Variants in NOL4 observed in about 807,000 individuals in gnomAD.
NOL4 encodes nucleolar protein 4.
Under a neutral mutation model 75.9 loss-of-function variants are expected in NOL4, and 17 were observed. That is an observed-to-expected ratio of 0.22 (90% confidence interval 0.15 to 0.34). NOL4 has a LOEUF of 0.34. Among genes scored for constraint, NOL4 ranks in the 10% least tolerant of loss-of-function variants. The pLI is 1.00. For synonymous variants in NOL4, 292 were observed against 289.9 expected, an observed-to-expected ratio of 1.01 and a Z score of -0.07; for missense variants, 614 against 793.5, an observed-to-expected ratio of 0.77 and a Z score of 2.72.
At chr18:33,861,619 T>A (rs1026877994) in intron 10 of NOL4, among the ~76,000 whole-genome samples, 6 of 152,014 alleles carry the variant, frequency 3.9e-5, no homozygotes, top group African/African-American at 1.4e-4. Flanking sequence ...TTCTTATACA[T>A]CAATAACAGA....
At chr18:33,925,794 A>AAAGG (rs2067289229) in intron 9 of NOL4, among the ~76,000 whole-genome samples, 2 of 152,126 alleles carry the variant, frequency 1.3e-5, no homozygotes, top group Admixed American at 6.5e-5. Context: ...TGCTTTGAAA[A>AAAGG]AAGGAAGGAA....
At chr18:34,118,508 T>A (rs1787378941) in intron 2 of NOL4, among the ~76,000 whole-genome samples, 1 of 152,216 alleles carries the variant, frequency 6.6e-6, no homozygotes, top group South Asian at 2.1e-4. Flanking sequence ...GTGTCCTGAT[T>A]CATAAACATA....
intron 2 of NOL4, among the ~76,000 whole-genome samples, chr18:34,125,015 T>C (rs1012149504): frequency 2.0e-5 from 3 of 152,126 alleles, no homozygotes; most frequent in Non-Finnish European, 4.4e-5. Context: ...TAAGTTAAAT[T>C]TAGCTAGAGA....
intron 6 of NOL4, among the ~76,000 whole-genome samples, chr18:33,965,783 C>A (rs1216461442): frequency 6.6e-6 from 1 of 152,122 alleles, no homozygotes; most frequent in African/African-American, 2.4e-5. Context: ...AATTGTGAGT[C>A]AATTAAACTT....
chr18:33,921,165 T>C (rs2067014485), intron 9 of NOL4, among the ~76,000 whole-genome samples: 1 of 152,200 alleles, frequency 6.6e-6, no homozygotes, highest in Non-Finnish European at 1.5e-5. Flanking sequence ...CACAGGTCTA[T>C]AGATGGAGTG....
At chr18:33,970,507 G>A (rs2070964277) in intron 6 of NOL4, among the ~76,000 whole-genome samples, 2 of 152,042 alleles carry the variant, frequency 1.3e-5, no homozygotes, top group South Asian at 4.1e-4. Flanking sequence ...ATTGTAGAAT[G>A]ACCAATGATT....
At chr18:33,941,834 A>G (rs971451895) in intron 9 of NOL4, among the ~76,000 whole-genome samples, 3 of 151,952 alleles carry the variant, frequency 2.0e-5, no homozygotes, top group African/African-American at 7.2e-5. Flanking sequence ...GGTATTATAC[A>G]TAGTGTTATA....
chr18:33,975,955 CA>C (rs1400894363), intron 6 of NOL4, among the ~76,000 whole-genome samples: 1 of 152,026 alleles, frequency 6.6e-6, no homozygotes, highest in Non-Finnish European at 1.5e-5. Flanking sequence ...TTGCTGAACA[CA>C]AAACTTTTTA....
chr18:33,961,834 G>A (rs1382988996), intron 6 of NOL4, among the ~76,000 whole-genome samples: 2 of 152,090 alleles, frequency 1.3e-5, no homozygotes, highest in Non-Finnish European at 1.5e-5. Context: ...TGGAATCTCA[G>A]TGGATTGCCA....
chr18:34,129,791 AT>A, intron 2 of NOL4, 79 bp downstream of exon 2: 3 of 1,265,608 alleles, frequency 2.4e-6, no homozygotes, highest in Non-Finnish European at 2.1e-6. Flanking sequence ...AATATTTATA[AT>A]TATCGAACCC....
intron 4 of NOL4, among the ~76,000 whole-genome samples, chr18:34,102,149 A>G (rs1455603530): frequency 6.6e-6 from 1 of 152,050 alleles, no homozygotes; most frequent in Non-Finnish European, 1.5e-5. Flanking sequence ...AGGGAGTCCC[A>G]TGTCTGGCCT....
chr18:34,140,719 A>G (rs1047499956), intron 1 of NOL4, among the ~76,000 whole-genome samples: 1 of 152,158 alleles, frequency 6.6e-6, no homozygotes, highest in Non-Finnish European at 1.5e-5. Context: ...TGATCCTGTC[A>G]TTATGATGTT....
intron 9 of NOL4, among the ~76,000 whole-genome samples, chr18:33,921,932 A>T (rs951433951): frequency 3.3e-5 from 5 of 152,158 alleles, no homozygotes; most frequent in Non-Finnish European, 5.9e-5. Flanking sequence ...TACTCCACCA[A>T]TGGCTCCAAA....
chr18:33,955,951 A>G (rs1273375478), intron 8 of NOL4, among the ~76,000 whole-genome samples: 1 of 152,140 alleles, frequency 6.6e-6, no homozygotes, highest in African/African-American at 2.4e-5. Flanking sequence ...AATGGACTAA[A>G]AGTCTCCTAT....
chr18:33,919,830 C>T (rs557489823), intron 9 of NOL4, among the ~76,000 whole-genome samples: 2 of 152,244 alleles, frequency 1.3e-5, no homozygotes, highest in South Asian at 4.1e-4. Context: ...ATTGAATTTG[C>T]ATCTTAAACT....
Position 33,852,782 on chromosome 18 carries a change from CA to C in NOL4, c.*59del. 1 of 1,441,458 alleles carries C rather than the reference CA, an allele frequency of 6.9e-7. No homozygotes were observed. 89.3% of individuals were successfully genotyped at this position (1,441,458 alleles called of 1,614,324 possible). ...ACCAGAAGTATCTCTGTTGGGAAAT[CA>C]AAATGTCATTAGTGGAAACTGCAAA... On this transcript the variant is annotated 3_prime_UTR_variant, in exon 11 of 11. Transcript: ENST00000261592.
intron 10 of NOL4, among the ~76,000 whole-genome samples, chr18:33,854,688 G>A (rs911986886): frequency 6.6e-6 from 1 of 151,406 alleles, no homozygotes; most frequent in African/African-American, 2.4e-5. Context: ...AACAGATATT[G>A]AAAGGGTTTT....
chr18:34,137,030 A>G (rs899256390), intron 1 of NOL4, among the ~76,000 whole-genome samples: 5 of 152,124 alleles, frequency 3.3e-5, no homozygotes, highest in Admixed American at 2.6e-4. Context: ...TTCATCTTCA[A>G]AAGACATGTC....
intron 10 of NOL4, among the ~76,000 whole-genome samples, chr18:33,878,984 G>A (rs1264206454): frequency 2.0e-5 from 3 of 152,038 alleles, no homozygotes; most frequent in Non-Finnish European, 4.4e-5. Context: ...TTAATCACTG[G>A]CTTCAAACTT....
Sources: allele counts gnomAD v4.1 joint callset (sites outside exome capture counted in the v4.1 genomes callset), GRCh38; gene constraint gnomAD v4.1.1; transcripts MANE v1.5; gene names NCBI Gene and HGNC (gene_info 2026-07-23, HGNC 2026-07-21).